NELL1: variants seen among roughly 807,000 people sequenced by gnomAD.
NELL1 encodes the protein protein kinase C-binding protein NELL1.
In NELL1, 76 loss-of-function variants were observed where a neutral mutation model predicts 107.4. The ratio of observed to expected loss-of-function variants is 0.71; its 90% CI spans 0.59 to 0.86. NELL1 has a LOEUF of 0.86. Ranked by LOEUF, NELL1 falls within the 40% of genes least tolerant of loss-of-function variation. NELL1 has a pLI of 0.00. For synonymous variants in NELL1, 353 were observed against 341.2 expected (o/e 1.03, Z -0.38); for missense variants, 1,024 against 1,005.5 (o/e 1.02, Z -0.25).
intron 15 of NELL1, among the ~76,000 whole-genome samples, chr11:21,390,510 AACACACACACAC>A (rs60248049): frequency 2.8e-5 from 4 of 142,840 alleles, no homozygotes; most frequent in African/African-American, 7.6e-5. Context: ...TGTGTGGATG[AACACACACACAC>A]ACACACACAC....
chr11:20,810,590 A>G (rs922301047), intron 3 of NELL1, among the ~76,000 whole-genome samples: 4 of 152,138 alleles, frequency 2.6e-5, no homozygotes, highest in Non-Finnish European at 5.9e-5. Context: ...TAATATATAT[A>G]CCATAGTTTC....
intron 2 of NELL1, among the ~76,000 whole-genome samples, chr11:20,714,668 A>G (rs1855198095): frequency 6.6e-6 from 1 of 152,072 alleles, no homozygotes; most frequent in African/African-American, 2.4e-5. Context: ...ACCCACAGGC[A>G]TGTGCCACCA....
chr11:21,010,411 A>G (rs1278101286), intron 12 of NELL1, among the ~76,000 whole-genome samples: 1 of 152,080 alleles, frequency 6.6e-6, no homozygotes, highest in African/African-American at 2.4e-5. Context: ...TTCTAATACA[A>G]TAGAGCTAGG....
intron 7 of NELL1, among the ~76,000 whole-genome samples, chr11:20,926,744 T>G (rs1341382179): frequency 7.9e-5 from 12 of 152,198 alleles, no homozygotes; most frequent in East Asian, 7.7e-4. Flanking sequence ...CTGTCCTTCT[T>G]CTAAGCACAA....
chr11:21,460,469 G>A (rs1380783483), intron 15 of NELL1, among the ~76,000 whole-genome samples: 1 of 152,098 alleles, frequency 6.6e-6, no homozygotes, highest in Admixed American at 6.6e-5. Context: ...GTTATTGGAG[G>A]TGATTAGCTG....
intron 4 of NELL1, among the ~76,000 whole-genome samples, chr11:20,871,946 G>A (rs1849207478): frequency 6.7e-6 from 1 of 149,642 alleles, no homozygotes; most frequent in African/African-American, 2.5e-5. Flanking sequence ...ATGAACCTGG[G>A]AGGCGGAGCT....
intron 13 of NELL1, among the ~76,000 whole-genome samples, chr11:21,126,838 T>G (rs73448515): frequency 0.012 from 1,846 of 152,306 alleles, 33 homozygotes; most frequent in African/African-American, 0.042. Flanking sequence ...AAGGAGATGA[T>G]GTAGTGTAAA....
At chr11:20,788,100 C>G (rs1195213774) in intron 3 of NELL1, among the ~76,000 whole-genome samples, 2 of 152,116 alleles carry the variant, frequency 1.3e-5, no homozygotes, top group Non-Finnish European at 2.9e-5. Flanking sequence ...TATAGATATC[C>G]ATTTATCAGT....
At chr11:21,188,448 C>T (rs1301691497) in intron 13 of NELL1, among the ~76,000 whole-genome samples, 3 of 150,756 alleles carry the variant, frequency 2.0e-5, no homozygotes, top group Admixed American at 6.7e-5. Context: ...ATGATTCCTT[C>T]CAGCTTGGAC....
At chr11:21,080,366 G>A (rs563332952) in intron 12 of NELL1, among the ~76,000 whole-genome samples, 1 of 152,026 alleles carries the variant, frequency 6.6e-6, no homozygotes, top group Non-Finnish European at 1.5e-5. Context: ...TTCATGATCT[G>A]GCATGAATAT....
intron 12 of NELL1, among the ~76,000 whole-genome samples, chr11:21,102,362 C>G (rs1378783254): frequency 6.6e-6 from 1 of 152,146 alleles, no homozygotes; most frequent in African/African-American, 2.4e-5. Context: ...TTTTTCACCC[C>G]CTTAGAGGTA....
intron 16 of NELL1, among the ~76,000 whole-genome samples, chr11:21,541,520 T>C (rs10833562): frequency 0.5 from 76,502 of 151,928 alleles, 19,945 homozygotes; most frequent in Non-Finnish European, 0.57. Flanking sequence ...CTGTTTTTCA[T>C]AGGAGTGGCG....
At position 20,951,613 on chromosome 11, in the gene NELL1, A is replaced by AG. The variant is rs551540109; in HGVS notation, c.1171+4183dup. 4.1e-4 allele frequency among the ~76,000 whole-genome samples: 63 copies of AG among 152,310 alleles called. 1 individual carries two copies. In the South Asian group the frequency reaches 0.012, roughly 28 times the overall value. On this transcript the variant is annotated intron_variant, in intron 11 of 19. Transcript: ENST00000357134. Reference sequence around the variant, plus strand: ...GAAAAATGAATATAACCAAGTAAACAGGGGGTTTAATCCACAGGGCTGTTG... The same window carrying AG: ...GAAAAATGAATATAACCAAGTAAACAGGGGGGTTTAATCCACAGGGCTGTTG...
chr11:21,093,710 G>A (rs1277036242), intron 12 of NELL1, among the ~76,000 whole-genome samples: 1 of 152,136 alleles, frequency 6.6e-6, no homozygotes, highest in African/African-American at 2.4e-5. Flanking sequence ...ATGGCAGCAG[G>A]CAAAAAGAGA....
Position 20,814,682 on chromosome 11 carries a change from T to G in NELL1, c.335+30852T>G, listed in dbSNP as rs190361900. On this transcript the variant is annotated intron_variant, in intron 3 of 19. Transcript: ENST00000357134. The stretch of plus-strand genomic sequence containing the variant: ...TTCCGTGGCGTTTATGTACCACATT[T>G]TCTTTATCCAGTCCACTGTTGGTGG... 1.7e-4 allele frequency among the ~76,000 whole-genome samples: 26 copies of G among 152,360 alleles called. 1 individual carries two copies. The highest frequency in any genetic ancestry group is 5.3e-4 in the African/African-American group (22 of 41,588).
chr11:21,245,097 T>C (rs1230623648), intron 14 of NELL1, among the ~76,000 whole-genome samples: 1 of 152,162 alleles, frequency 6.6e-6, no homozygotes, highest in African/African-American at 2.4e-5. Flanking sequence ...TTAGCACTTC[T>C]TAGTGGGATA....
At chr11:21,112,113 G>A (rs1445187163) in intron 12 of NELL1, among the ~76,000 whole-genome samples, 1 of 151,902 alleles carries the variant, frequency 6.6e-6, no homozygotes, top group East Asian at 1.9e-4. Flanking sequence ...TCTGTGGTTG[G>A]CCTGCAGGAA....
At chr11:21,168,506 T>C (rs1270056081) in intron 13 of NELL1, among the ~76,000 whole-genome samples, 2 of 151,818 alleles carry the variant, frequency 1.3e-5, no homozygotes, top group Non-Finnish European at 2.9e-5. Context: ...CATCTATTTT[T>C]TATCTAACAA....
chr11:21,203,935 G>A (rs900797425), intron 13 of NELL1, among the ~76,000 whole-genome samples: 3 of 152,064 alleles, frequency 2.0e-5, no homozygotes, highest in African/African-American at 7.2e-5. Flanking sequence ...TTGAATATTG[G>A]CCCCCACTCT....
Sources: gnomAD v4.1 joint callset for allele counts (sites outside exome capture counted in the v4.1 genomes callset) on GRCh38, gnomAD v4.1.1 for gene constraint, MANE v1.5 for transcripts, NCBI Gene and HGNC (gene_info 2026-07-23, HGNC 2026-07-21) for gene names.